SIN3A: variants seen among roughly 807,000 people sequenced by gnomAD.
SIN3A encodes the protein paired amphipathic helix protein Sin3a.
A neutral mutation model predicts 146.1 loss-of-function variants in SIN3A; 14 were observed. That is an observed-to-expected ratio of 0.10 (90% CI 0.06 to 0.15). The LOEUF (loss-of-function observed/expected upper bound fraction) is 0.15. SIN3A is among the 10% of genes least tolerant of loss of function. The probability of loss-of-function intolerance (pLI) is 1.00; values close to 1 mark genes in which losing one functional copy is unlikely to be tolerated. For synonymous variants in SIN3A, 572 were observed against 572.0 expected (o/e 1.00, Z 0.00); for missense variants, 1,028 against 1,576.0 (o/e 0.65, Z 5.89).
chr15:75,450,368 G>C (rs1595936013), intron 1 of SIN3A, among the ~76,000 whole-genome samples: 1 of 152,042 alleles, frequency 6.6e-6, no homozygotes, highest in Non-Finnish European at 1.5e-5. Context: ...CCACCCATTG[G>C]CTCAAAGGAA....
intron 9 of SIN3A, among the ~76,000 whole-genome samples, chr15:75,406,655 T>C (rs2073521651): frequency 6.6e-6 from 1 of 151,996 alleles, no homozygotes; most frequent in South Asian, 2.1e-4. Context: ...GCCACTGCAC[T>C]CCAGCCTGGG....
intron 10 of SIN3A, among the ~76,000 whole-genome samples, chr15:75,401,152 G>A (rs1175983494): frequency 2.0e-5 from 3 of 152,114 alleles, no homozygotes; most frequent in African/African-American, 4.8e-5. Context: ...GAGTTGTACC[G>A]AAACCAGGCA....
intron 1 of SIN3A, 56 bp from the exon 2 acceptor site, chr15:75,430,464 C>T (rs1360469438): frequency 4.4e-6 from 6 of 1,353,554 alleles, no homozygotes; most frequent in South Asian, 1.5e-5. Flanking sequence ...GTATGATGTA[C>T]GCCACTTAGG....
At position 75,392,354 on chromosome 15, in the gene SIN3A, G is replaced by A. The variant is rs138048130; in HGVS notation, c.2739C>T (p.Ala913=). The A allele has an allele frequency of 8.3e-5, 134 of 1,614,150 alleles. No homozygotes were observed. The African/African-American group carries it at 1.5e-3, about 18-fold the overall frequency. ...CLRLLRICSQ[A]ERQIEEENRE... ...GGTTTTCTTCTTCAATTTGCCGTTCGGCTTGGGAACAAATCCGTAGCAGCC... is the reference window on the plus strand; with the variant it reads ...GGTTTTCTTCTTCAATTTGCCGTTCAGCTTGGGAACAAATCCGTAGCAGCC... The change falls in exon 15 of 21, where the codon GCC becomes GCT. Residue 913 remains alanine, a synonymous_variant. Transcript: ENST00000394947.
At chr15:75,426,354 AT>A (rs2073926021) in intron 2 of SIN3A, among the ~76,000 whole-genome samples, 1 of 152,196 alleles carries the variant, frequency 6.6e-6, no homozygotes, top group Non-Finnish European at 1.5e-5. Flanking sequence ...CTTCAGCTGC[AT>A]TTCCTCTTCT....
intron 14 of SIN3A, 123 bp downstream of exon 14, chr15:75,394,557 C>G (rs748402761): frequency 5.8e-6 from 4 of 692,804 alleles, no homozygotes; most frequent in Admixed American, 2.7e-5. Context: ...TGACAGCTAT[C>G]AAGCAAGAAT....
Position 75,430,167 on chromosome 15 carries a change from C to G in SIN3A, c.189+20G>C. On this transcript the variant is annotated intron_variant, in intron 2 of 20. Transcript: ENST00000394947. ...TATTTCTCTTCCCTCATTCTAGTCC[C>G]TTGGTTGGCTCCAGCTTACCTGGTA... is the stretch of plus-strand genomic sequence containing the variant. 6.3e-7 allele frequency: 1 copy of G among 1,596,178 alleles called. No homozygotes were observed. The highest frequency in any genetic ancestry group is 8.6e-7 in the Non-Finnish European group (1 of 1,163,926).
At chr15:75,434,854 A>G (rs2074077774) in intron 1 of SIN3A, among the ~76,000 whole-genome samples, 1 of 151,628 alleles carries the variant, frequency 6.6e-6, no homozygotes, top group African/African-American at 2.4e-5. Flanking sequence ...AGGCTGAGGC[A>G]GGAAAATCGC....
chr15:75,427,476 A>G (rs1448114333), intron 2 of SIN3A, among the ~76,000 whole-genome samples: 2 of 152,154 alleles, frequency 1.3e-5, no homozygotes, highest in Non-Finnish European at 1.5e-5. Flanking sequence ...CCTGGCCAGC[A>G]CAGCGAAACC....
At chr15:75,400,407 C>A (rs181357256) in intron 11 of SIN3A, among the ~76,000 whole-genome samples, 1 of 152,020 alleles carries the variant, frequency 6.6e-6, no homozygotes, top group African/African-American at 2.4e-5. Flanking sequence ...GTGACCCAAT[C>A]TTTACAAAAC....
At chr15:75,407,279 C>A in intron 8 of SIN3A, 135 bp from the exon 9 acceptor site, 1 of 600,460 alleles carries the variant, frequency 1.7e-6, no homozygotes, top group South Asian at 2.2e-5. Context: ...GAACTCTAAC[C>A]AACTCACTCC....
intron 15 of SIN3A, 97 bp downstream of exon 15, chr15:75,392,145 C>T (rs2073216670): frequency 9.4e-7 from 1 of 1,060,112 alleles, no homozygotes; most frequent in Non-Finnish European, 1.4e-6. Flanking sequence ...ACTCTAATGC[C>T]TGTGCTCTAT....
At chr15:75,428,631 C>T (rs2073965054) in intron 2 of SIN3A, among the ~76,000 whole-genome samples, 1 of 152,186 alleles carries the variant, frequency 6.6e-6, no homozygotes, top group Non-Finnish European at 1.5e-5. Context: ...TCCCAAGTAG[C>T]TAGGAACACA....
At chr15:75,449,060 T>C (rs764208928) in intron 1 of SIN3A, among the ~76,000 whole-genome samples, 2 of 152,248 alleles carry the variant, frequency 1.3e-5, no homozygotes, top group Non-Finnish European at 2.9e-5. Context: ...TGAATCCTTA[T>C]AGACTCTTCT....
intron 1 of SIN3A, among the ~76,000 whole-genome samples, chr15:75,445,251 GGCGCCTGTGATCCCA>G (rs1263282685): frequency 1.3e-5 from 2 of 151,302 alleles, no homozygotes; most frequent in African/African-American, 4.9e-5. Flanking sequence ...GCATGGTGGT[GGCGCCTGTGATCCCA>G]GCTACTCAGG....
At chr15:75,376,859 T>TAAAAAAAAAAAAAAAAAAAAAAAAAA (rs200318256) in intron 19 of SIN3A, among the ~76,000 whole-genome samples, 1 of 115,810 alleles carries the variant, frequency 8.6e-6, no homozygotes, top group African/African-American at 3.2e-5. Flanking sequence ...GACACTGTCT[T>TAAAAAAAAAAAAAAAAAAAAAAAAAA]AAAAAAAAAA....
At chr15:75,409,203 C>CAA (rs200575330) in intron 8 of SIN3A, among the ~76,000 whole-genome samples, 1 of 145,142 alleles carries the variant, frequency 6.9e-6, no homozygotes, top group East Asian at 2.0e-4. Flanking sequence ...GACTCCATCT[C>CAA]AAAAAAAAAA....
intron 19 of SIN3A, among the ~76,000 whole-genome samples, chr15:75,380,160 A>AT (rs1002761826): frequency 1.3e-5 from 2 of 152,218 alleles, no homozygotes; most frequent in African/African-American, 4.8e-5. Context: ...GGTAGACAGC[A>AT]TTTTGCATGT....
chr15:75,393,759 G>A (rs2073252373), intron 14 of SIN3A, among the ~76,000 whole-genome samples: 1 of 151,982 alleles, frequency 6.6e-6, no homozygotes, highest in South Asian at 2.1e-4. Context: ...TGGGGTGGGG[G>A]TATGGAGGGT....
Sources: gnomAD v4.1 joint callset for allele counts (sites outside exome capture counted in the v4.1 genomes callset) on GRCh38, gnomAD v4.1.1 for gene constraint, MANE v1.5 for transcripts, NCBI Gene and HGNC (gene_info 2026-07-23, HGNC 2026-07-21) for gene names.